Variants in KIAA1217 observed in about 807,000 individuals in gnomAD.
KIAA1217 encodes the protein KIAA1217, also known as sickle tail protein homolog.
Under a neutral mutation model 163.9 loss-of-function variants are expected in KIAA1217, and 88 were observed. The observed-to-expected ratio is 0.54, with a 90% CI of 0.45 to 0.64. The LOEUF is 0.64. Among genes scored for constraint, KIAA1217 ranks in the 30% least tolerant of loss-of-function variants. The pLI, the probability that KIAA1217 is intolerant of heterozygous loss-of-function variation, is 0.00. For missense variants in KIAA1217, 2,372 were observed against 2,475.0 expected (o/e 0.96, Z 0.88); for synonymous variants, 903 against 923.1 (o/e 0.98, Z 0.39).
intron 1 of KIAA1217, among the ~76,000 whole-genome samples, chr10:23,794,385 G>A (rs1408747351): frequency 3.3e-5 from 5 of 152,166 alleles, no homozygotes; most frequent in African/African-American, 7.2e-5. Flanking sequence ...GACCCATCCT[G>A]TTCTACTCTC....
At chr10:24,362,601 CA>C (rs2050173501) in intron 2 of KIAA1217, among the ~76,000 whole-genome samples, 1 of 152,192 alleles carries the variant, frequency 6.6e-6, no homozygotes, top group Non-Finnish European at 1.5e-5. Context: ...TGAGATCTTA[CA>C]TTTTTTTATG....
rs1842532267 is a variant in KIAA1217 at position 23,913,776 on chromosome 10, C to T, written c.-320-93449C>T. ...ATATGACTTGTTCTCTCCCTTTTCT[C>T]ATTCTGTTTTTTACACACTGGGAAG... On this transcript the variant is annotated intron_variant, in intron 1 of 18. Transcript: ENST00000376462. Among the ~76,000 whole-genome samples, 3 of 152,170 alleles carry T rather than the reference C, an allele frequency of 2.0e-5. No individual in the cohort carries two copies. The South Asian group carries it at 6.2e-4, about 31-fold the overall frequency.
intron 1 of KIAA1217, among the ~76,000 whole-genome samples, chr10:23,902,301 T>A (rs1243874053): frequency 1.3e-5 from 2 of 152,064 alleles, no homozygotes; most frequent in Non-Finnish European, 2.9e-5. Flanking sequence ...TTCTCACTTA[T>A]AAGTGGGAGC....
chr10:24,313,594 A>T (rs1408440947), intron 2 of KIAA1217, among the ~76,000 whole-genome samples: 2 of 152,050 alleles, frequency 1.3e-5, no homozygotes, highest in Non-Finnish European at 1.5e-5. Flanking sequence ...TTCACGCGGG[A>T]TGTCCTTCTG....
chr10:23,736,179 T>C (rs1564377342), intron 1 of KIAA1217, among the ~76,000 whole-genome samples: 2 of 152,234 alleles, frequency 1.3e-5, no homozygotes, highest in African/African-American at 4.8e-5. Context: ...TTTAGGAAAT[T>C]CTTCCCTGTC....
At chr10:24,095,805 T>G (rs1315461263) in intron 2 of KIAA1217, among the ~76,000 whole-genome samples, 2 of 152,176 alleles carry the variant, frequency 1.3e-5, no homozygotes, top group Non-Finnish European at 2.9e-5. Context: ...GTGTACTAGA[T>G]TGTCCAAAAC....
chr10:23,840,194 T>C (rs563891985), intron 1 of KIAA1217, among the ~76,000 whole-genome samples: 1 of 152,082 alleles, frequency 6.6e-6, no homozygotes, highest in African/African-American at 2.4e-5. Context: ...TTGCTCTTGT[T>C]GCCTAGGCTG....
intron 2 of KIAA1217, among the ~76,000 whole-genome samples, chr10:24,147,832 C>CAAAAAAAAAAAAAAAAA (rs1176106711): frequency 1.2e-3 from 24 of 20,768 alleles, no homozygotes; most frequent in Admixed American, 3.3e-3. Flanking sequence ...TACTCTGTCT[C>CAAAAAAAAAAAAAAAAA]AAAAAAAAAA....
intron 2 of KIAA1217, among the ~76,000 whole-genome samples, chr10:24,269,557 A>G (rs895558077): frequency 6.6e-6 from 1 of 152,152 alleles, no homozygotes; most frequent in African/African-American, 2.4e-5. Context: ...ACATTCATCA[A>G]AAAACAGAGC....
At chr10:24,389,295 G>A (rs557798867) in intron 3 of KIAA1217, among the ~76,000 whole-genome samples, 5 of 152,056 alleles carry the variant, frequency 3.3e-5, no homozygotes, top group East Asian at 1.9e-4. Context: ...GCAAACTATC[G>A]CAAGGACAGA....
intron 2 of KIAA1217, among the ~76,000 whole-genome samples, chr10:24,310,103 T>A (rs2042513846): frequency 6.6e-6 from 1 of 152,322 alleles, no homozygotes; most frequent in East Asian, 1.9e-4. Flanking sequence ...TCCCCTCTAG[T>A]TCTTCTAAAT....
intron 2 of KIAA1217, among the ~76,000 whole-genome samples, chr10:24,108,793 G>T (rs1341737225): frequency 6.6e-6 from 1 of 152,118 alleles, no homozygotes; most frequent in East Asian, 1.9e-4. Context: ...ATGAATGATT[G>T]GGGAGACAAG....
chr10:24,457,268 G>T (rs1300451100), intron 5 of KIAA1217, among the ~76,000 whole-genome samples: 2 of 152,102 alleles, frequency 1.3e-5, no homozygotes, highest in African/African-American at 4.8e-5. Context: ...CTTTGGTTCA[G>T]CCTGCAGCTT....
intron 1 of KIAA1217, among the ~76,000 whole-genome samples, chr10:23,932,995 G>A (rs774121010): frequency 3.3e-5 from 5 of 152,194 alleles, no homozygotes; most frequent in African/African-American, 1.2e-4. Flanking sequence ...TGGTATGAAC[G>A]ATTGGTTGAT....
chr10:23,885,829 T>G (rs1841146266), intron 1 of KIAA1217, among the ~76,000 whole-genome samples: 1 of 151,980 alleles, frequency 6.6e-6, no homozygotes, highest in Admixed American at 6.6e-5. Flanking sequence ...ATCTTTGTGC[T>G]GCATTTTTGT....
chr10:24,504,891 A>C (rs550324921), intron 9 of KIAA1217, among the ~76,000 whole-genome samples: 6 of 152,236 alleles, frequency 3.9e-5, no homozygotes, highest in Non-Finnish European at 8.8e-5. Context: ...CAGAAGATCA[A>C]GGAAACCACT....
At chr10:24,494,151 C>A (rs114917756) in intron 6 of KIAA1217, among the ~76,000 whole-genome samples, 1,866 of 152,178 alleles carry the variant, frequency 0.012, 42 homozygotes, top group African/African-American at 0.043. Flanking sequence ...TGGGACACTG[C>A]GAATGCTAGG....
chr10:24,172,561 G>A (rs989281329), intron 2 of KIAA1217, among the ~76,000 whole-genome samples: 5 of 152,172 alleles, frequency 3.3e-5, no homozygotes, highest in Non-Finnish European at 7.4e-5. Flanking sequence ...GACAATAACA[G>A]TACCTATTTT....
chr10:24,477,570 T>G (rs2064180863), intron 6 of KIAA1217, among the ~76,000 whole-genome samples: 2 of 152,330 alleles, frequency 1.3e-5, no homozygotes, highest in East Asian at 1.9e-4. Context: ...CTTCAAAAAT[T>G]GTTTCAGGAC....
Sources: gnomAD v4.1 joint callset for allele counts (sites outside exome capture counted in the v4.1 genomes callset) on GRCh38, gnomAD v4.1.1 for gene constraint, MANE v1.5 for transcripts, NCBI Gene and HGNC (gene_info 2026-07-23, HGNC 2026-07-21) for gene names.